NELL1: variants seen among roughly 807,000 people sequenced by gnomAD.
The protein encoded by NELL1 is protein kinase C-binding protein NELL1.
In NELL1, 76 loss-of-function variants were observed where a neutral mutation model predicts 107.4. That is an observed-to-expected ratio of 0.71 (90% confidence interval 0.59 to 0.86). The LOEUF (loss-of-function observed/expected upper bound fraction) is 0.86, where lower values mean the gene tolerates loss of function less well. Ranked by LOEUF, NELL1 falls within the 40% of genes least tolerant of loss-of-function variation. The pLI is 0.00. For missense variants in NELL1, 1,024 were observed against 1,005.5 expected (o/e 1.02, Z -0.25); for synonymous variants, 353 against 341.2 (o/e 1.03, Z -0.38).
chr11:21,186,041 G>T (rs1359330742), intron 13 of NELL1, among the ~76,000 whole-genome samples: 29 of 151,704 alleles, frequency 1.9e-4, no homozygotes, highest in Non-Finnish European at 2.9e-5. Context: ...AGAAGGAATG[G>T]TTAGCTGGAT....
chr11:20,919,814 G>T (rs1850338166), intron 7 of NELL1, among the ~76,000 whole-genome samples: 2 of 152,148 alleles, frequency 1.3e-5, no homozygotes, highest in African/African-American at 4.8e-5. Flanking sequence ...GGCTGGTCCT[G>T]AGTTAAATAG....
intron 3 of NELL1, among the ~76,000 whole-genome samples, chr11:20,785,691 T>C (rs1856938965): frequency 6.6e-6 from 1 of 152,222 alleles, no homozygotes; most frequent in Non-Finnish European, 1.5e-5. Context: ...TCTAGCTTTG[T>C]GACACCAGCT....
At chr11:21,574,006 ATC>A (rs1435822418) in intron 19 of NELL1, among the ~76,000 whole-genome samples, 1 of 151,840 alleles carries the variant, frequency 6.6e-6, no homozygotes, top group Non-Finnish European at 1.5e-5. Context: ...TTCATGAGAC[ATC>A]CTCATGTGTC....
intron 15 of NELL1, among the ~76,000 whole-genome samples, chr11:21,445,710 T>A (rs1451816800): frequency 2.0e-5 from 3 of 152,210 alleles, no homozygotes; most frequent in Non-Finnish European, 4.4e-5. Flanking sequence ...AAGTACTCCC[T>A]TTAGCATTTC....
At chr11:20,822,954 G>T (rs1412370521) in intron 3 of NELL1, among the ~76,000 whole-genome samples, 1 of 152,166 alleles carries the variant, frequency 6.6e-6, no homozygotes, top group Admixed American at 6.5e-5. Flanking sequence ...ATGAGCTCTG[G>T]TGGTACACCT....
chr11:20,819,382 C>G (rs1048290732), intron 3 of NELL1, among the ~76,000 whole-genome samples: 10 of 152,158 alleles, frequency 6.6e-5, no homozygotes, highest in African/African-American at 2.2e-4. Context: ...GGTACCTGTA[C>G]TTTGTCTTTC....
intron 13 of NELL1, among the ~76,000 whole-genome samples, chr11:21,182,625 G>T (rs1856852520): frequency 6.6e-6 from 1 of 151,712 alleles, no homozygotes; most frequent in African/African-American, 2.4e-5. Context: ...AGGTATCACA[G>T]AAATAGCCTT....
intron 15 of NELL1, among the ~76,000 whole-genome samples, chr11:21,517,152 T>A (rs1484209327): frequency 6.7e-6 from 1 of 149,954 alleles, no homozygotes; most frequent in Non-Finnish European, 1.5e-5. Context: ...GTATTTGTCC[T>A]ATTACCTAGG....
intron 10 of NELL1, among the ~76,000 whole-genome samples, chr11:20,944,737 C>G (rs1458968141): frequency 6.6e-6 from 1 of 152,090 alleles, no homozygotes; most frequent in South Asian, 2.1e-4. Flanking sequence ...TTTGGTGGCA[C>G]TTATGCAATG....
intron 4 of NELL1, among the ~76,000 whole-genome samples, chr11:20,850,282 T>C (rs971171800): frequency 1.3e-5 from 2 of 152,192 alleles, no homozygotes; most frequent in Non-Finnish European, 2.9e-5. Context: ...GAATTTCAGC[T>C]ATCCATTACT....
intron 15 of NELL1, among the ~76,000 whole-genome samples, chr11:21,499,451 T>C (rs187933207): frequency 6.6e-6 from 1 of 152,264 alleles, no homozygotes; most frequent in Admixed American, 6.5e-5. Flanking sequence ...TTATTTACTA[T>C]ATTTTTGAAA....
At position 21,148,123 on chromosome 11, in the gene NELL1, A is replaced by G. The variant is rs181817140; in HGVS notation, c.1426+34409A>G. The stretch of plus-strand genomic sequence containing the variant: ...AGGAATACAGAAAGAGCTTGACAGC[A>G]TCTCTGTTGTCAAAGAACCTGAAAT... On this transcript the variant is annotated intron_variant, in intron 13 of 19. Transcript: ENST00000357134. 2.6e-5 allele frequency among the ~76,000 whole-genome samples: 4 copies of G among 152,296 alleles called. No individual in the cohort carries two copies. The South Asian group carries it at 6.2e-4, about 24-fold the overall frequency.
At chr11:21,317,893 AT>A (rs1849915759) in intron 14 of NELL1, among the ~76,000 whole-genome samples, 2 of 152,256 alleles carry the variant, frequency 1.3e-5, no homozygotes, top group African/African-American at 4.8e-5. Context: ...TAATATTATT[AT>A]TATGTAACCA....
In NELL1 at chr11:20,874,414, G is replaced by C. The variant is rs553535369; in HGVS notation, c.507-11030G>C. ...TAATTGAGGGTTTTTAGCCAGTGTGGCATGGCAGAAGTTTACACCTGGATT... is the reference window on the plus strand; with the variant it reads ...TAATTGAGGGTTTTTAGCCAGTGTGCCATGGCAGAAGTTTACACCTGGATT... On this transcript the variant is annotated intron_variant, in intron 4 of 19. Coordinates refer to ENST00000357134, the MANE Select transcript of NELL1 (RefSeq NM_006157.5). Among the ~76,000 whole-genome samples, 5 of 152,268 alleles carry C rather than the reference G, an allele frequency of 3.3e-5. No homozygotes were observed. In the East Asian group the frequency reaches 9.7e-4, roughly 29 times the overall value.
intron 16 of NELL1, among the ~76,000 whole-genome samples, chr11:21,544,983 T>G (rs999863284): frequency 6.6e-6 from 1 of 151,904 alleles, no homozygotes; most frequent in African/African-American, 2.4e-5. Context: ...TGTAAGGATA[T>G]CCTTCCAATA....
At chr11:21,101,761 T>C (rs1590636966) in intron 12 of NELL1, among the ~76,000 whole-genome samples, 2 of 152,350 alleles carry the variant, frequency 1.3e-5, no homozygotes. Flanking sequence ...ATGAGTAGAT[T>C]GCAACAATTT....
intron 13 of NELL1, among the ~76,000 whole-genome samples, chr11:21,116,916 A>G (rs2133734928): frequency 6.6e-6 from 1 of 152,128 alleles, no homozygotes; most frequent in East Asian, 1.9e-4. Context: ...ACTTTGATCT[A>G]GTGTCTCATT....
At chr11:21,483,077 T>C (rs1432473662) in intron 15 of NELL1, among the ~76,000 whole-genome samples, 2 of 152,098 alleles carry the variant, frequency 1.3e-5, no homozygotes, top group Admixed American at 6.6e-5. Context: ...ATAATCTTAA[T>C]AGTATAAGAG....
chr11:21,176,450 C>A (rs1171355763), intron 13 of NELL1, among the ~76,000 whole-genome samples: 6 of 151,780 alleles, frequency 4.0e-5, no homozygotes, highest in Non-Finnish European at 8.8e-5. Flanking sequence ...AGGGGGAGTA[C>A]AGAAAGCTGC....
Sources: gnomAD v4.1 joint callset for allele counts (sites outside exome capture counted in the v4.1 genomes callset) on GRCh38, gnomAD v4.1.1 for gene constraint, MANE v1.5 for transcripts, NCBI Gene and HGNC (gene_info 2026-07-23, HGNC 2026-07-21) for gene names.